ULK1: variants seen among roughly 807,000 people sequenced by gnomAD.
The protein encoded by ULK1 is unc-51 like autophagy activating kinase 1, also known as serine/threonine-protein kinase ULK1.
Under a neutral mutation model 117.5 loss-of-function variants are expected in ULK1, and 48 were observed. The ratio of observed to expected loss-of-function variants is 0.41; its 90% CI spans 0.32 to 0.52. ULK1 has a LOEUF of 0.52. ULK1 is among the 20% of genes least tolerant of loss of function. The pLI is 0.29. For missense variants in ULK1, 1,387 were observed against 1,473.4 expected (o/e 0.94, Z 0.96); for synonymous variants, 790 against 637.8 (o/e 1.24, Z -3.60).
At chr12:131,906,527 G>A in intron 3 of ULK1, 1 of 265,256 alleles carries the variant, frequency 3.8e-6, no homozygotes, top group Non-Finnish European at 7.3e-6. Flanking sequence ...CAGCCCTGTT[G>A]GCGTCTTTGA....
intron 16 of ULK1, 89 bp from the exon 17 acceptor site, chr12:131,914,994 A>G: frequency 6.7e-7 from 1 of 1,487,906 alleles, no homozygotes; most frequent in South Asian, 1.4e-5. Flanking sequence ...CTCCCCTCCT[A>G]ATACCTGCCT....
At chr12:131,919,827 C>T (rs1045491678) in intron 25 of ULK1, 152 bp from the exon 26 acceptor site, 75 of 1,212,996 alleles carry the variant, frequency 6.2e-5, no homozygotes, top group African/African-American at 1.2e-4. Flanking sequence ...GGACAAGGTG[C>T]GGAGCCTGGC....
At chr12:131,895,504 A>G in intron 1 of ULK1, 97 bp from the exon 2 acceptor site, 3 of 1,039,390 alleles carry the variant, frequency 2.9e-6, no homozygotes, top group Non-Finnish European at 4.3e-6. Context: ...GGGATTCCCA[A>G]CCGGGATCAT....
intron 8 of ULK1, among the ~76,000 whole-genome samples, chr12:131,909,540 G>C (rs1889432022): frequency 6.6e-6 from 1 of 152,192 alleles, no homozygotes; most frequent in South Asian, 2.1e-4. Flanking sequence ...GGGGCCGAGT[G>C]GGTGAGGGCT....
intron 4 of ULK1, 150 bp downstream of exon 4, chr12:131,907,074 T>G: frequency 9.3e-7 from 1 of 1,076,696 alleles, no homozygotes; most frequent in Non-Finnish European, 1.4e-6. Flanking sequence ...TGGAGTGCAG[T>G]GCTGCGATCT....
At position 131,919,602 on chromosome 12, in the gene ULK1, G is replaced by T; in HGVS notation, c.2803+12G>T. 6.2e-7 allele frequency: 1 copy of T among 1,609,932 alleles called. No individual in the cohort carries two copies. The highest frequency in any genetic ancestry group is 8.5e-7 in the Non-Finnish European group (1 of 1,179,076). On this transcript the variant is annotated intron_variant, in intron 25 of 27. Coordinates refer to ENST00000321867, the MANE Select transcript of ULK1 (RefSeq NM_003565.4). Reference sequence around the variant, plus strand: ...CACTGTGAAGCAGGGTGAGGGCTGCGACCGCTCAGCCCACATGCCGGGTTG... The same window carrying T: ...CACTGTGAAGCAGGGTGAGGGCTGCTACCGCTCAGCCCACATGCCGGGTTG...
Position 131,919,284 on chromosome 12 carries a change from G to T in ULK1, c.2584G>T (p.Ala862Ser). The change falls in exon 24 of 28, where the codon GCC becomes TCC. Residue 862 changes from alanine to serine, a missense_variant. Around this residue, in one of 4 missense-constraint regions of ULK1, gnomAD observed 900 missense variants for 858.9 expected, o/e 1.05. Transcript: ENST00000321867. Reference sequence around the variant, plus strand: ...CGTGCAGCACGTCCTGGAGATCGCAGCCCTGAAGGGCAGCGCCAGTGAGGC... The same window carrying T: ...CGTGCAGCACGTCCTGGAGATCGCATCCCTGAAGGGCAGCGCCAGTGAGGC... Reference protein sequence around the residue: ...LFVQHVLEIAALKGSASEAAG... With the variant: ...LFVQHVLEIASLKGSASEAAG... 4 of 1,597,718 alleles carry T rather than the reference G, an allele frequency of 2.5e-6. No individual in the cohort carries two copies. In the South Asian group the frequency reaches 4.4e-5, roughly 18 times the overall value.
At chr12:131,911,871 G>A in intron 12 of ULK1, 71 bp from the exon 13 acceptor site, 2 of 1,608,184 alleles carry the variant, frequency 1.2e-6, no homozygotes, top group Non-Finnish European at 1.7e-6. Context: ...GCCATCCCAG[G>A]AGGGGGAATT....
chr12:131,916,809 A>C, intron 20 of ULK1, 144 bp from the exon 21 acceptor site: 1 of 964,660 alleles, frequency 1.0e-6, no homozygotes, highest in Non-Finnish European at 1.5e-6. Flanking sequence ...GCCCGCCTGT[A>C]AGCTGGGGTG....
At chr12:131,907,676 C>A in intron 5 of ULK1, 145 bp downstream of exon 5, 3 of 1,036,966 alleles carry the variant, frequency 2.9e-6, no homozygotes, top group Non-Finnish European at 4.1e-6. Flanking sequence ...TCCCCCTGGG[C>A]CTCTTGAGGG....
At chr12:131,917,112 G>T in intron 21 of ULK1, 50 bp downstream of exon 21, 1 of 1,278,622 alleles carries the variant, frequency 7.8e-7, no homozygotes. Flanking sequence ...GTCGGAGGCT[G>T]TGGGATGGGG....
chr12:131,912,694 C>T (rs188278136), intron 13 of ULK1, among the ~76,000 whole-genome samples: 7 of 152,208 alleles, frequency 4.6e-5, no homozygotes, highest in East Asian at 1.9e-4. Flanking sequence ...ATGGCTTCTG[C>T]GGGGGTGGTG....
rs184977056 is a variant in ULK1 at position 131,915,092 on chromosome 12, C to T, written c.1383C>T (p.Ala461=). ...TCTGCCTTGTCTTCAGGTCCTCTGC[C>T]ATCCGCAGGTCAGGCAGCACCAGCC... ...PTQFQTPRSS[A]IRRSGSTSPL... The change falls in exon 17 of 28, where the codon GCC becomes GCT. Residue 461 remains alanine, a synonymous_variant. Coordinates refer to ENST00000321867, the MANE Select transcript of ULK1 (RefSeq NM_003565.4). 3.0e-5 allele frequency: 46 copies of T among 1,549,078 alleles called. No individual in the cohort carries two copies. In the Admixed American group the frequency reaches 8.9e-4, roughly 30 times the overall value.
intron 14 of ULK1, among the ~76,000 whole-genome samples, chr12:131,913,512 G>A (rs1404798515): frequency 6.6e-6 from 1 of 152,114 alleles, no homozygotes; most frequent in Non-Finnish European, 1.5e-5. Context: ...TGGCCAACAT[G>A]GTGAAACCCC....
At chr12:131,912,391 A>G (rs1311473980) in intron 13 of ULK1, among the ~76,000 whole-genome samples, 6 of 151,852 alleles carry the variant, frequency 4.0e-5, no homozygotes, top group African/African-American at 1.4e-4. Flanking sequence ...CTCCCCCGCC[A>G]TGTACCCCTA....
rs2136401289 is a variant in ULK1 at position 131,915,135 on chromosome 12, G to A, written c.1426G>A (p.Ala476Thr). 1 of 1,603,868 alleles carries A rather than the reference G, an allele frequency of 6.2e-7. No homozygotes were observed. The highest frequency in any genetic ancestry group is 2.2e-5 in the East Asian group (1 of 44,762). ...CACCAGCCCCCTGGGCTTTGCAAGG[G>A]CCAGCCCCTCGCCCCCTGCCCACGC... ...GSTSPLGFAR[A>T]SPSPPAHAEH... Residue 476 changes from alanine to threonine, a missense_variant, in exon 17 of 28, where the codon GCC (alanine) becomes ACC (threonine). This residue lies in a region of ULK1 where 900 missense variants were observed against 858.9 expected (regional missense o/e 1.05). Coordinates refer to ENST00000321867, the MANE Select transcript of ULK1 (RefSeq NM_003565.4).
chr12:131,907,768 G>A (rs926274009), intron 5 of ULK1, among the ~76,000 whole-genome samples: 3 of 152,184 alleles, frequency 2.0e-5, no homozygotes, highest in Non-Finnish European at 2.9e-5. Flanking sequence ...AGACAGCTGT[G>A]ACCAGAATAG....
At position 131,910,014 on chromosome 12, in the gene ULK1, CA is replaced by C. The variant is rs1889462350; in HGVS notation, c.808+14del. 6 of 1,610,648 alleles carry C rather than the reference CA, an allele frequency of 3.7e-6. No individual in the cohort carries two copies. Among genetic ancestry groups the C allele is most frequent in the African/African-American group, 2.7e-5 (2 of 74,932 alleles). ...CGCATGGACTTCGGTGAGCACCCAC[CA>C]GGGGCGCAGCTGGAGTCCCCCACCC... On this transcript the variant is annotated intron_variant, in intron 10 of 27. Transcript: ENST00000321867.
At position 131,908,998 on chromosome 12, in the gene ULK1, C is replaced by G. The variant is rs769152398; in HGVS notation, c.564+27C>G. ...TGTGTTTACCTTGGCCGGGCTGTGCCGGGTGGGCGCCTCTCTGGGCTTGCT... is the reference window on the plus strand; with the variant it reads ...TGTGTTTACCTTGGCCGGGCTGTGCGGGGTGGGCGCCTCTCTGGGCTTGCT... On this transcript the variant is annotated intron_variant, in intron 7 of 27. Transcript: ENST00000321867. 7.4e-6 allele frequency: 12 copies of G among 1,612,632 alleles called. No homozygotes were observed. In the African/African-American group the frequency reaches 8.0e-5, roughly 11 times the overall value.
Sources: allele counts gnomAD v4.1 joint callset (sites outside exome capture counted in the v4.1 genomes callset), GRCh38; gene constraint gnomAD v4.1.1; regional missense constraint gnomAD v4.1.1; transcripts MANE v1.5; gene names NCBI Gene and HGNC (gene_info 2026-07-23, HGNC 2026-07-21).